Variants in CTTNBP2NL observed in about 807,000 individuals in gnomAD.
The protein encoded by CTTNBP2NL is CTTNBP2 N-terminal-like protein.
Under a neutral mutation model 32.5 loss-of-function variants are expected in CTTNBP2NL, and 16 were observed. That is an observed-to-expected ratio of 0.49 (90% CI 0.33 to 0.75). The LOEUF is 0.75. Among genes scored for constraint, CTTNBP2NL ranks in the 30% least tolerant of loss-of-function variants. The pLI, the probability that CTTNBP2NL is intolerant of heterozygous loss-of-function variation, is 0.02. For synonymous variants in CTTNBP2NL, 298 were observed against 289.4 expected, an observed-to-expected ratio of 1.03 and a Z score of -0.30; for missense variants, 645 against 756.0, an observed-to-expected ratio of 0.85 and a Z score of 1.72.
intron 3 of CTTNBP2NL, among the ~76,000 whole-genome samples, chr1:112,447,484 G>A (rs1293646812): frequency 6.6e-6 from 1 of 152,030 alleles, no homozygotes; most frequent in Non-Finnish European, 1.5e-5. Flanking sequence ...TAAGATGGCT[G>A]CAGTCAAGCC....
chr1:112,392,051 A>G (rs1401455043), upstream of CTTNBP2NL, among the ~76,000 whole-genome samples: 1 of 151,984 alleles, frequency 6.6e-6, no homozygotes, highest in Non-Finnish European at 1.5e-5. Flanking sequence ...TAATTCCAGG[A>G]AATTGCTACT....
At chr1:112,423,437 TG>T (rs1425986364) in intron 3 of CTTNBP2NL, among the ~76,000 whole-genome samples, 8 of 152,090 alleles carry the variant, frequency 5.3e-5, no homozygotes, top group Non-Finnish European at 1.0e-4. Context: ...CATTCCACAG[TG>T]TATACATATT....
At chr1:112,427,394 C>T (rs1212690888) in intron 3 of CTTNBP2NL, among the ~76,000 whole-genome samples, 3 of 152,122 alleles carry the variant, frequency 2.0e-5, no homozygotes, top group Non-Finnish European at 2.9e-5. Context: ...ATTGCTTCTC[C>T]GTTTTACTTT....
intron 3 of CTTNBP2NL, 23 bp downstream of exon 3, chr1:112,416,287 A>G: frequency 8.8e-7 from 1 of 1,132,840 alleles, no homozygotes; most frequent in Non-Finnish European, 1.3e-6. Flanking sequence ...AAAAAAAAAA[A>G]GAGGTCATCA....
rs185351659 is a variant in CTTNBP2NL, at chr1:112,446,842, G to A, written c.100-2100G>A. ...TGGGATTACAGACATGAGATGCTGC[G>A]GCCGGCTATTCACCATGTTTTAAAA... On this transcript the variant is annotated intron_variant, in intron 3 of 5. Coordinates refer to ENST00000271277, the MANE Select transcript of CTTNBP2NL (RefSeq NM_018704.3). Among the ~76,000 whole-genome samples the A allele has an allele frequency of 1.5e-3, 221 of 152,196 alleles. 2 individuals carry two copies. Among genetic ancestry groups the A allele is most frequent in the African/African-American group, 5.0e-3 (207 of 41,532 alleles).
At chr1:112,434,552 T>G (rs938331672) in intron 3 of CTTNBP2NL, among the ~76,000 whole-genome samples, 2 of 152,218 alleles carry the variant, frequency 1.3e-5, no homozygotes, top group African/African-American at 4.8e-5. Flanking sequence ...GCTACTCATC[T>G]TATATCCTAG....
At chr1:112,412,502 A>G (rs977575636) in intron 2 of CTTNBP2NL, among the ~76,000 whole-genome samples, 185 bp downstream of exon 2, 3 of 151,530 alleles carry the variant, frequency 2.0e-5, no homozygotes, top group African/African-American at 7.3e-5. Context: ...TTATTGGAAT[A>G]TGCAAAAACA....
At chr1:112,429,582 A>T (rs957537627) in intron 3 of CTTNBP2NL, among the ~76,000 whole-genome samples, 4 of 152,222 alleles carry the variant, frequency 2.6e-5, no homozygotes, top group African/African-American at 9.6e-5. Context: ...TCTGCTACAG[A>T]TGTCCTTAGG....
chr1:112,396,057 C>G (rs867417402), upstream of CTTNBP2NL: 7 of 152,402 alleles, frequency 4.6e-5, no homozygotes, highest in Middle Eastern at 6.8e-3. Context: ...TCTTCCCAAA[C>G]AAAAGGGATC....
chr1:112,447,219 A>G (rs892464586), intron 3 of CTTNBP2NL, among the ~76,000 whole-genome samples: 1 of 143,748 alleles, frequency 7.0e-6, no homozygotes, highest in African/African-American at 2.6e-5. Flanking sequence ...GCTTGCAGTG[A>G]GCCAAGATTG....
In CTTNBP2NL at chr1:112,396,225, A is replaced by T. The variant is rs959772385; in HGVS notation, c.-181A>T. On this transcript the variant is annotated 5_prime_UTR_variant, in exon 1 of 6. It removes an upstream start codon present in the reference 5' UTR. Coordinates refer to ENST00000271277, the MANE Select transcript of CTTNBP2NL (RefSeq NM_018704.3). ...GGGGGCGGAGCCTCAGCCGCTGTGG[A>T]TGGGGAGTGGAGGCGGAGGGGAGCG... 1.3e-5 allele frequency: 2 copies of T among 151,086 alleles called. No individual in the cohort carries two copies. The highest frequency in any genetic ancestry group is 2.4e-5 in the African/African-American group (1 of 41,166). The allele number at this position is 151,086 out of a possible 1,614,324, so 9.4% of individuals were successfully genotyped here. A position where few individuals can be genotyped will look rare whatever the true frequency, so the allele number is the denominator to read the frequency against.
chr1:112,406,830 G>A (rs1648681122), intron 1 of CTTNBP2NL, among the ~76,000 whole-genome samples: 1 of 152,076 alleles, frequency 6.6e-6, no homozygotes. Flanking sequence ...TGTAAATAGA[G>A]CACTATGTAT....
intron 3 of CTTNBP2NL, among the ~76,000 whole-genome samples, chr1:112,424,786 G>A (rs2483356): frequency 0.55 from 83,466 of 151,508 alleles, 24,103 homozygotes; most frequent in South Asian, 0.7. Context: ...GATACTGTAA[G>A]TGGTATTGGG....
Position 112,456,979 on chromosome 1 carries a change from C to T in CTTNBP2NL, c.1487C>T (p.Ala496Val). ...DLSPTLIDNS[A>V]AKQLARNTVT... The stretch of plus-strand genomic sequence containing the variant: ...TCCCCCACCCTCATAGACAACTCTG[C>T]CGCCAAGCAGCTGGCCCGAAACACA... The change falls in exon 6 of 6, where the codon GCC (alanine) becomes GTC (valine). Residue 496 changes from alanine to valine, a missense_variant. Transcript: ENST00000271277. The T allele has an allele frequency of 6.2e-7, 1 of 1,614,076 alleles. No individual in the cohort carries two copies. Among genetic ancestry groups the T allele is most frequent in the Non-Finnish European group, 8.5e-7 (1 of 1,180,024 alleles).
intron 3 of CTTNBP2NL, among the ~76,000 whole-genome samples, chr1:112,434,835 A>G (rs1303324746): frequency 6.6e-6 from 1 of 152,050 alleles, no homozygotes; most frequent in Non-Finnish European, 1.5e-5. Flanking sequence ...TCACACATAG[A>G]ACCCTTCACA....
chr1:112,409,414 T>A (rs1648787908), intron 1 of CTTNBP2NL, among the ~76,000 whole-genome samples: 2 of 152,346 alleles, frequency 1.3e-5, no homozygotes, highest in South Asian at 2.1e-4. Flanking sequence ...TCCAGTTGAT[T>A]TATTTAAATA....
At chr1:112,435,405 C>G (rs994931325) in intron 3 of CTTNBP2NL, among the ~76,000 whole-genome samples, 6 of 152,008 alleles carry the variant, frequency 3.9e-5, no homozygotes, top group African/African-American at 1.5e-4. Flanking sequence ...GGTATCTGGA[C>G]CCAAGTAAGT....
intron 3 of CTTNBP2NL, among the ~76,000 whole-genome samples, chr1:112,440,721 A>G (rs1649869526): frequency 6.6e-6 from 1 of 152,198 alleles, no homozygotes; most frequent in Admixed American, 6.6e-5. Context: ...TATATATAAC[A>G]CTTATTGTTC....
chr1:112,449,124 G>A lies in CTTNBP2NL; in HGVS notation c.282G>A (p.Gln94=). The A allele has an allele frequency of 6.2e-7, 1 of 1,613,948 alleles. No individual in the cohort carries two copies. Among genetic ancestry groups the A allele is most frequent in the Non-Finnish European group, 8.5e-7 (1 of 1,179,844 alleles). The change falls in exon 4 of 6, where the codon CAG becomes CAA. Residue 94 remains glutamine (Q), a synonymous_variant. Coordinates refer to ENST00000271277, the MANE Select transcript of CTTNBP2NL (RefSeq NM_018704.3). The part of the protein sequence containing the change: ...KVVMKQCKNM[Q]ERMLSQLAAA... The stretch of plus-strand genomic sequence containing the variant: ...TGATGAAGCAGTGCAAGAACATGCA[G>A]GAGCGCATGCTGTCCCAGCTGGCTG...
Sources: gnomAD v4.1 joint callset for allele counts (sites outside exome capture counted in the v4.1 genomes callset) on GRCh38, gnomAD v4.1.1 for gene constraint, MANE v1.5 for transcripts, NCBI Gene and HGNC (gene_info 2026-07-23, HGNC 2026-07-21) for gene names.